Variants in DNAH5 observed in about 807,000 individuals in gnomAD.
The protein encoded by DNAH5 is axonemal beta dynein heavy chain 5.
DNAH5 carries 372 observed loss-of-function variants against 518.2 expected under a neutral mutation model. The ratio of observed to expected loss-of-function variants is 0.72; its 90% confidence interval spans 0.66 to 0.78. DNAH5 has a LOEUF of 0.78. Among genes scored for constraint, DNAH5 ranks in the 30% least tolerant of loss-of-function variants. The pLI is 0.00. For missense variants in DNAH5, 5,523 were observed against 5,687.0 expected (o/e 0.97, Z 0.93); for synonymous variants, 2,039 against 2,025.9 (o/e 1.01, Z -0.17).
In DNAH5 at chr5:13,753,566, A is replaced by G; in HGVS notation, c.10556-17T>C. ...GTACATCCCCTAAAATAGAAAACAA[A>G]CACCATTGAAATACTTTACGTTCAT... On this transcript the variant is annotated splice_polypyrimidine_tract_variant and intron_variant, in intron 62 of 78. Transcript: ENST00000265104. 6.2e-7 allele frequency: 1 copy of G among 1,600,338 alleles called. No homozygotes were observed. Among genetic ancestry groups the G allele is most frequent in the Non-Finnish European group, 8.6e-7 (1 of 1,168,984 alleles).
chr5:14,004,331 C>T (rs771824463), intron 1 of DNAH5, among the ~76,000 whole-genome samples: 14 of 152,118 alleles, frequency 9.2e-5, no homozygotes, highest in Non-Finnish European at 1.2e-4. Context: ...GAGCTGCGGG[C>T]TAGCTAATTA....
At chr5:13,970,824 G>A (rs1410969544) in intron 1 of DNAH5, among the ~76,000 whole-genome samples, 1 of 152,104 alleles carries the variant, frequency 6.6e-6, no homozygotes, top group Admixed American at 6.5e-5. Context: ...TTATTTGGAT[G>A]TCTAGCTCTC....
intron 1 of DNAH5, among the ~76,000 whole-genome samples, chr5:13,957,803 T>C (rs1780865534): frequency 6.6e-6 from 1 of 151,512 alleles, no homozygotes; most frequent in South Asian, 2.1e-4. Flanking sequence ...GTAATTCCAA[T>C]ACCTGTATTT....
chr5:13,737,649 G>T (rs1235186543), intron 65 of DNAH5, among the ~76,000 whole-genome samples, 154 bp from the exon 66 acceptor site: 1 of 152,256 alleles, frequency 6.6e-6, no homozygotes, highest in South Asian at 2.1e-4. Flanking sequence ...GAAGGGCCGG[G>T]CGCAGGGGCT....
chr5:13,920,289 C>A (rs1311562331), intron 6 of DNAH5, among the ~76,000 whole-genome samples, 191 bp downstream of exon 6: 1 of 152,242 alleles, frequency 6.6e-6, no homozygotes, highest in Non-Finnish European at 1.5e-5. Flanking sequence ...CATTTTCTTT[C>A]ATTTCTTAGA....
intron 32 of DNAH5, among the ~76,000 whole-genome samples, chr5:13,842,253 G>T (rs989828647): frequency 6.6e-6 from 1 of 151,576 alleles, no homozygotes; most frequent in African/African-American, 2.4e-5. Flanking sequence ...GGTGGTGGGC[G>T]CCTATAATCC....
Position 13,928,184 on chromosome 5 carries a change from A to T in DNAH5, c.193-6T>A. 3 of 1,604,052 alleles carry T rather than the reference A, an allele frequency of 1.9e-6. No homozygotes were observed. The highest frequency in any genetic ancestry group is 1.7e-6 in the Non-Finnish European group (2 of 1,171,032). On this transcript the variant is annotated splice_region_variant and splice_polypyrimidine_tract_variant and intron_variant, in intron 2 of 78. Coordinates refer to ENST00000265104, the MANE Select transcript of DNAH5 (RefSeq NM_001369.3). ...AGTTGATCAATTCTTTCAATCTGGG[A>T]AAAAGAAAAAGGCAAGATAATGATT...
At chr5:13,908,192 T>C (rs1251592171) in intron 12 of DNAH5, among the ~76,000 whole-genome samples, 4 of 152,190 alleles carry the variant, frequency 2.6e-5, no homozygotes, top group South Asian at 4.1e-4. Flanking sequence ...TGGAAGTATA[T>C]GTATTTTTTA....
At chr5:13,927,628 C>G (rs548599207) in intron 3 of DNAH5, among the ~76,000 whole-genome samples, 2 of 152,248 alleles carry the variant, frequency 1.3e-5, no homozygotes, top group African/African-American at 4.8e-5. Context: ...AGAAAATTAA[C>G]ACAATGTGAT....
chr5:13,807,476 T>C (rs1759797120), intron 47 of DNAH5, 115 bp downstream of exon 47: 3 of 1,017,898 alleles, frequency 2.9e-6, no homozygotes, highest in South Asian at 2.8e-5. Flanking sequence ...CGTGGGTGAT[T>C]TATCATGGCT....
At chr5:13,729,334 T>A in intron 69 of DNAH5, 105 bp downstream of exon 69, 1 of 1,464,948 alleles carries the variant, frequency 6.8e-7, no homozygotes, top group Admixed American at 1.7e-5. Flanking sequence ...ATTTTAAGAG[T>A]GACAATATTA....
Position 13,807,704 on chromosome 5 carries a change from G to C in DNAH5, c.7774C>G (p.Gln2592Glu). The C allele has an allele frequency of 1.2e-6, 2 of 1,607,078 alleles. No individual in the cohort carries two copies. Among genetic ancestry groups the C allele is most frequent in the South Asian group, 1.1e-5 (1 of 90,132 alleles). Residue 2592 changes from glutamine to glutamate, a missense_variant, in exon 47 of 79, where the codon CAA (glutamine) becomes GAA (glutamate). By Grantham distance (29) the Gln-to-Glu change is conservative (BLOSUM62 2). Around this residue, in one of 3 missense-constraint regions of DNAH5, gnomAD observed 5,121 missense variants for 5,223.3 expected, o/e 0.98. Transcript: ENST00000265104. ...ATTATTACTGTTTTGGCTGTTCCTT[G>C]TTCACCAATTAATAGCACAGCCTAA... ...QGKAVLLIGEQGTAKTVIIKG... is the reference protein window; with the variant it reads ...QGKAVLLIGEEGTAKTVIIKG...
rs767655417 is a variant in DNAH5, at chr5:13,870,988, C to A, written c.3613G>T (p.Ala1205Ser). ...CAGGCCTTTGTCTCAGCAGTCAGGG[C>A]GAACTTCAAGTCAGCTGTAAAAACC... ...IALYTADLKF[A>S]LTAETKAWMV... is the part of the protein sequence containing the mutation. The change falls in exon 24 of 79, where the codon GCC becomes TCC. Residue 1205 changes from alanine to serine, a missense_variant. By Grantham distance (99) the Ala-to-Ser change is moderately conservative. Coordinates refer to ENST00000265104, the MANE Select transcript of DNAH5 (RefSeq NM_001369.3). 1 of 1,613,318 alleles carries A rather than the reference C, an allele frequency of 6.2e-7. No homozygotes were observed. The highest frequency in any genetic ancestry group is 2.2e-5 in the East Asian group (1 of 44,870).
Position 13,922,299 on chromosome 5 carries a change from T to G in DNAH5, c.468A>C (p.Ala156=). The part of the protein sequence containing the change: ...QEVSFNMLDA[A]DGGLLNSVRR... The stretch of plus-strand genomic sequence containing the variant: ...TCACACTGTTGAGCAGGCCTCCATC[T>G]GCCGCATCTAACATGTTAAAACTCA... The change falls in exon 5 of 79, where the codon GCA becomes GCC. Residue 156 remains alanine, a synonymous_variant. Coordinates refer to ENST00000265104, the MANE Select transcript of DNAH5 (RefSeq NM_001369.3). 6.2e-7 allele frequency: 1 copy of G among 1,614,068 alleles called. No homozygotes were observed. The highest frequency in any genetic ancestry group is 8.5e-7 in the Non-Finnish European group (1 of 1,179,962).
chr5:13,732,120 C>CAA (rs34028417), intron 68 of DNAH5, among the ~76,000 whole-genome samples: 3 of 124,908 alleles, frequency 2.4e-5, no homozygotes, highest in South Asian at 2.6e-4. Context: ...ACTCTGTCTT[C>CAA]AAAAAAAAAA....
chr5:13,758,791 G>C, intron 61 of DNAH5, 55 bp downstream of exon 61: 3 of 1,613,068 alleles, frequency 1.9e-6, no homozygotes, highest in Admixed American at 3.3e-5. Flanking sequence ...CAAACTCTTG[G>C]AGAGAGAAGC....
chr5:13,841,233 G>A, intron 33 of DNAH5, 103 bp from the exon 34 acceptor site: 2 of 920,492 alleles, frequency 2.2e-6, no homozygotes, highest in Non-Finnish European at 3.4e-6. Flanking sequence ...CAAGTGTAAA[G>A]CCATGATTAC....
chr5:13,723,893 C>A (rs773721291), intron 70 of DNAH5, among the ~76,000 whole-genome samples: 2 of 152,090 alleles, frequency 1.3e-5, no homozygotes, highest in Non-Finnish European at 2.9e-5. Context: ...GGAGAAGGGA[C>A]CTTTGGTCAT....
chr5:13,714,278 CT>C, intron 75 of DNAH5, 126 bp downstream of exon 75: 1 of 999,446 alleles, frequency 1.0e-6, no homozygotes, highest in South Asian at 1.4e-5. Flanking sequence ...CTTTAAGAAG[CT>C]GGTTTTTAAA....
Sources: gnomAD v4.1 joint callset for allele counts (sites outside exome capture counted in the v4.1 genomes callset) on GRCh38, gnomAD v4.1.1 for gene constraint, gnomAD v4.1.1 regional missense constraint, MANE v1.5 for transcripts, NCBI Gene and HGNC (gene_info 2026-07-23, HGNC 2026-07-21) for gene names.